Variants in DCAF6 observed in about 807,000 individuals in gnomAD.
DCAF6 encodes DDB1 and CUL4 associated factor 6, also known as DDB1- and CUL4-associated factor 6.
DCAF6 carries 54 observed loss-of-function variants against 125.1 expected under a neutral mutation model. The ratio of observed to expected loss-of-function variants is 0.43; its 90% CI spans 0.35 to 0.54. The LOEUF (loss-of-function observed/expected upper bound fraction) is 0.54. Ranked by LOEUF, DCAF6 falls within the 20% of genes least tolerant of loss-of-function variation. DCAF6 has a pLI of 0.01. For missense variants in DCAF6, 934 were observed against 1,161.7 expected, an observed-to-expected ratio of 0.80 and a Z score of 2.85; for synonymous variants, 371 against 390.4, an observed-to-expected ratio of 0.95 and a Z score of 0.58.
chr1:168,038,850 C>T (rs1350796708), intron 13 of DCAF6, among the ~76,000 whole-genome samples: 2 of 151,774 alleles, frequency 1.3e-5, no homozygotes, highest in East Asian at 1.9e-4. Context: ...AGTCGTGGTC[C>T]TAGGTAGGTG....
At chr1:167,896,948 C>T in the DCAF6 span, among the ~76,000 whole-genome samples, 1 of 152,144 alleles carries the variant, frequency 6.6e-6, no homozygotes, top group Non-Finnish European at 1.5e-5. Flanking sequence ...TAATCTTATA[C>T]TTTTCTGCCC....
the DCAF6 span, chr1:167,893,919 C>A: frequency 2.5e-6 from 4 of 1,613,396 alleles, no homozygotes; most frequent in Middle Eastern, 3.3e-4. Flanking sequence ...CAGGCTTCAG[C>A]GTGCATGCAA....
At chr1:167,900,577 G>A in the DCAF6 span, among the ~76,000 whole-genome samples, 1 of 151,718 alleles carries the variant, frequency 6.6e-6, no homozygotes, top group African/African-American at 2.4e-5. Flanking sequence ...TTGTTGCCCA[G>A]GCTGGAGTGC....
chr1:168,052,014 G>A (rs750930142), intron 17 of DCAF6, among the ~76,000 whole-genome samples: 2 of 151,872 alleles, frequency 1.3e-5, no homozygotes, highest in African/African-American at 2.4e-5. Flanking sequence ...CTGAGTATCT[G>A]GGATTACAGG....
chr1:167,989,877 TACTG>T (rs1432051174), intron 5 of DCAF6, among the ~76,000 whole-genome samples: 1 of 151,592 alleles, frequency 6.6e-6, no homozygotes. Flanking sequence ...AAAAAAAAAT[TACTG>T]AGAAGAATGA....
intron 13 of DCAF6, among the ~76,000 whole-genome samples, chr1:168,041,278 T>G (rs1028927913): frequency 6.6e-6 from 1 of 152,082 alleles, no homozygotes; most frequent in Non-Finnish European, 1.5e-5. Flanking sequence ...TTTATCTTTT[T>G]CTTATTGCGT....
intron 3 of DCAF6, among the ~76,000 whole-genome samples, chr1:167,973,965 C>A (rs1424868322): frequency 6.6e-6 from 1 of 152,064 alleles, no homozygotes; most frequent in Non-Finnish European, 1.5e-5. Context: ...GCTAAATTCC[C>A]TTCCACTGGT....
chr1:167,962,375 T>C (rs1480439433), intron 2 of DCAF6, among the ~76,000 whole-genome samples: 2 of 152,112 alleles, frequency 1.3e-5, no homozygotes, highest in Non-Finnish European at 2.9e-5. Context: ...TGCTCTGTTG[T>C]TAAGCACATA....
Position 167,980,433 on chromosome 1 carries a change from C to T in DCAF6, c.438+5418C>T, listed in dbSNP as rs1465389826. On this transcript the variant is annotated intron_variant, in intron 4 of 21. Transcript: ENST00000367840. ...ATAGCAGCTCCACTATTTTACATGC[C>T]TACCAGCTGTGTGCAAGGGTGCCAA... Among the ~76,000 whole-genome samples, 3 of 151,260 alleles carry T rather than the reference C, an allele frequency of 2.0e-5. No homozygotes were observed. The South Asian group carries it at 6.2e-4, about 31-fold the overall frequency.
At chr1:168,060,396 G>A (rs986569342) in intron 17 of DCAF6, among the ~76,000 whole-genome samples, 1 of 151,998 alleles carries the variant, frequency 6.6e-6, no homozygotes, top group Non-Finnish European at 1.5e-5. Context: ...GTGTTGCCCA[G>A]GCTGGTCTTG....
the DCAF6 span, among the ~76,000 whole-genome samples, chr1:167,881,908 C>T: frequency 6.6e-6 from 1 of 152,180 alleles, no homozygotes; most frequent in Non-Finnish European, 1.5e-5. Flanking sequence ...TAATCCCTTT[C>T]CAGAACTCCC....
At chr1:168,002,429 G>C (rs970764572) in intron 7 of DCAF6, 53 bp from the exon 8 acceptor site, 5 of 1,451,474 alleles carry the variant, frequency 3.4e-6, no homozygotes, top group African/African-American at 2.8e-5. Context: ...TTTAAGAGTT[G>C]AGAGTAGATG....
At chr1:167,962,409 G>C (rs927678182) in intron 2 of DCAF6, among the ~76,000 whole-genome samples, 1 of 151,962 alleles carries the variant, frequency 6.6e-6, no homozygotes, top group Non-Finnish European at 1.5e-5. Context: ...GGGAAACTAT[G>C]TTGTCTTGGG....
At chr1:167,949,131 A>T (rs1252663765) in intron 1 of DCAF6, among the ~76,000 whole-genome samples, 2 of 152,210 alleles carry the variant, frequency 1.3e-5, no homozygotes, top group East Asian at 3.8e-4. Context: ...TTTATAACCT[A>T]TTAATATAAA....
chr1:167,991,076 T>C (rs1680755560), intron 5 of DCAF6, 128 bp from the exon 6 acceptor site: 9 of 731,040 alleles, frequency 1.2e-5, no homozygotes, highest in Middle Eastern at 4.2e-4. Flanking sequence ...TTTCCGCTCA[T>C]TGTCATTCTT....
intron 2 of DCAF6, 60 bp downstream of exon 2, chr1:167,951,921 A>G: frequency 3.6e-6 from 4 of 1,112,742 alleles, no homozygotes; most frequent in Non-Finnish European, 5.4e-6. Context: ...TAAGTGTTTG[A>G]TGAAATGTCC....
intron 5 of DCAF6, 143 bp downstream of exon 5, chr1:167,987,751 G>T: frequency 3.9e-6 from 2 of 514,456 alleles, no homozygotes; most frequent in South Asian, 3.3e-5. Context: ...TTAAATTTTT[G>T]TTTTGCTAAA....
At chr1:168,023,585 T>A (rs906342558) in intron 12 of DCAF6, 2 of 158,798 alleles carry the variant, frequency 1.3e-5, no homozygotes, top group Non-Finnish European at 2.8e-5. Context: ...CCACTTGTAC[T>A]TTTCAATGTG....
chr1:167,925,455 A>G, the DCAF6 span, among the ~76,000 whole-genome samples: 2 of 110,850 alleles, frequency 1.8e-5, no homozygotes, highest in African/African-American at 8.3e-5. Context: ...ATATATATAT[A>G]TATATATATA....
Sources: allele counts gnomAD v4.1 joint callset (sites outside exome capture counted in the v4.1 genomes callset), GRCh38; gene constraint gnomAD v4.1.1; transcripts MANE v1.5; gene names NCBI Gene and HGNC (gene_info 2026-07-23, HGNC 2026-07-21).